IL1RAPL1: variants seen among roughly 807,000 people sequenced by gnomAD.
The protein encoded by IL1RAPL1 is interleukin 1 receptor accessory protein like 1.
A neutral mutation model predicts 48.4 loss-of-function variants in IL1RAPL1; 3 were observed. That is an observed-to-expected ratio of 0.06 (90% CI 0.03 to 0.16). The LOEUF (loss-of-function observed/expected upper bound fraction) is 0.16. IL1RAPL1 is among the 10% of genes least tolerant of loss of function. The probability of loss-of-function intolerance (pLI) is 1.00; values close to 1 mark genes in which losing one functional copy is unlikely to be tolerated. For missense variants in IL1RAPL1, 349 were observed against 530.6 expected, an observed-to-expected ratio of 0.66 and a Z score of 3.36; for synonymous variants, 185 against 187.7, an observed-to-expected ratio of 0.99 and a Z score of 0.12.
intron 6 of IL1RAPL1, among the ~76,000 whole-genome samples, chrX:29,800,386 C>T (rs1219534281): frequency 6.3e-5 from 7 of 110,640 alleles, no homozygotes; most frequent in Non-Finnish European, 1.3e-4. Context: ...TGACAAGCTT[C>T]TCATGATTCA....
At chrX:28,727,907 CTG>C (rs1345740062) in intron 1 of IL1RAPL1, among the ~76,000 whole-genome samples, 3 of 104,977 alleles carry the variant, frequency 2.9e-5, no homozygotes, top group African/African-American at 1.1e-4. Flanking sequence ...ACATCACACT[CTG>C]GGGACTGTTG....
intron 1 of IL1RAPL1, among the ~76,000 whole-genome samples, chrX:28,628,042 G>A (rs989090890): frequency 9.0e-6 from 1 of 111,401 alleles, no homozygotes; most frequent in Non-Finnish European, 1.9e-5. Flanking sequence ...ACTGGATCTC[G>A]CTGGAGCATG....
chrX:29,097,250 A>G lies in IL1RAPL1; in HGVS notation c.83-185688A>G, dbSNP rs769179514. Among the ~76,000 whole-genome samples, 3 of 112,323 alleles carry G rather than the reference A, an allele frequency of 2.7e-5. No homozygotes were observed. In the East Asian group the frequency reaches 8.4e-4, roughly 31 times the overall value. Reference sequence around the variant, plus strand: ...ACAGAAGAGGAATAGAAAATCTATCAGGTAACCCTGCCCTACCTGGCAAAT... The same window carrying G: ...ACAGAAGAGGAATAGAAAATCTATCGGGTAACCCTGCCCTACCTGGCAAAT... On this transcript the variant is annotated intron_variant, in intron 2 of 10. Transcript: ENST00000378993.
At chrX:29,227,315 A>G (rs1335137132) in intron 2 of IL1RAPL1, among the ~76,000 whole-genome samples, 2 of 111,343 alleles carry the variant, frequency 1.8e-5, no homozygotes, top group Admixed American at 1.9e-4. Context: ...TTTTCAAAAA[A>G]AAAAAGCTAA....
chrX:29,447,815 C>G (rs1205661991), intron 5 of IL1RAPL1, among the ~76,000 whole-genome samples: 1 of 112,048 alleles, frequency 8.9e-6, no homozygotes, highest in African/African-American at 3.2e-5. Context: ...TGAATGAATA[C>G]TAAGAGCAAA....
intron 2 of IL1RAPL1, among the ~76,000 whole-genome samples, chrX:29,195,493 A>C (rs1930424365): frequency 9.1e-6 from 1 of 109,483 alleles, no homozygotes; most frequent in South Asian, 3.9e-4. Context: ...AAGTACTTTT[A>C]TCTCTCCAAT....
intron 2 of IL1RAPL1, among the ~76,000 whole-genome samples, chrX:29,156,178 T>C (rs1929565766): frequency 9.0e-6 from 1 of 111,507 alleles, no homozygotes; most frequent in African/African-American, 3.3e-5. Context: ...CTAACCCTGG[T>C]CTGTCTGACT....
intron 3 of IL1RAPL1, among the ~76,000 whole-genome samples, chrX:29,296,556 C>A (rs768940843): frequency 9.2e-6 from 1 of 108,736 alleles, no homozygotes; most frequent in Admixed American, 9.9e-5. Flanking sequence ...CCATCCTTTA[C>A]CATTTTTGAA....
chrX:29,242,448 C>G (rs1173735538), intron 2 of IL1RAPL1, among the ~76,000 whole-genome samples: 2 of 112,170 alleles, frequency 1.8e-5, no homozygotes, highest in Admixed American at 1.9e-4. Context: ...AAAAATCAAA[C>G]TACCAGGTTG....
rs553936848 is a variant in IL1RAPL1 at position 29,663,613 on chromosome X, C to T, written c.704-4817C>T. ...GCTATGTTTTGTTTACATTTGATCC[C>T]CTTATAGTCCTGTACATTGCCTTGC... On this transcript the variant is annotated intron_variant, in intron 5 of 10. Coordinates refer to ENST00000378993, the MANE Select transcript of IL1RAPL1 (RefSeq NM_014271.4). Among the ~76,000 whole-genome samples, 3 of 111,850 alleles carry T rather than the reference C, an allele frequency of 2.7e-5. No homozygotes were observed. The Admixed American group carries it at 2.8e-4, about 11-fold the overall frequency.
intron 5 of IL1RAPL1, among the ~76,000 whole-genome samples, chrX:29,630,900 C>A (rs1047338993): frequency 1.8e-5 from 2 of 112,472 alleles, no homozygotes; most frequent in Admixed American, 9.4e-5. Flanking sequence ...TCTTTTTTGA[C>A]ATATTAAATT....
At chrX:29,921,129 A>ATTGTT (rs1932845281) in intron 8 of IL1RAPL1, among the ~76,000 whole-genome samples, 1 of 112,389 alleles carries the variant, frequency 8.9e-6, no homozygotes, top group Non-Finnish European at 1.9e-5. Context: ...TGTATATTGA[A>ATTGTT]TTGTTTGAAA....
chrX:29,941,824 C>T (rs1311200017), intron 9 of IL1RAPL1, 30 bp downstream of exon 9: 19 of 1,183,750 alleles, frequency 1.6e-5, no homozygotes, highest in Non-Finnish European at 1.8e-5. Flanking sequence ...ATTGTTCTTT[C>T]TGAATGTTCT....
At chrX:29,758,781 A>G (rs1234465537) in intron 6 of IL1RAPL1, among the ~76,000 whole-genome samples, 12 of 111,307 alleles carry the variant, frequency 1.1e-4, no homozygotes, top group African/African-American at 3.9e-4. Context: ...CCTAATGTAA[A>G]AAACAAAACA....
chrX:29,512,113 C>T (rs1418635051), intron 5 of IL1RAPL1, among the ~76,000 whole-genome samples: 2 of 109,238 alleles, frequency 1.8e-5, no homozygotes, highest in East Asian at 5.6e-4. Context: ...TATAATCTCT[C>T]TTTCTATTTA....
At chrX:28,981,289 A>G (rs1223974643) in intron 2 of IL1RAPL1, among the ~76,000 whole-genome samples, 2 of 108,486 alleles carry the variant, frequency 1.8e-5, no homozygotes, top group Non-Finnish European at 3.8e-5. Flanking sequence ...TTGATACTAA[A>G]TAACTGATAA....
intron 5 of IL1RAPL1, among the ~76,000 whole-genome samples, chrX:29,512,762 C>T (rs1213382860): frequency 5.4e-5 from 6 of 111,723 alleles, no homozygotes; most frequent in African/African-American, 1.9e-4. Flanking sequence ...TAAATGATTC[C>T]ACACCTCAGG....
intron 2 of IL1RAPL1, among the ~76,000 whole-genome samples, chrX:28,970,265 G>A (rs765245335): frequency 1.9e-4 from 21 of 112,561 alleles, no homozygotes; most frequent in Non-Finnish European, 3.0e-4. Context: ...GCTTCCCTAA[G>A]TGCTGGGATT....
intron 2 of IL1RAPL1, among the ~76,000 whole-genome samples, chrX:28,914,495 C>T (rs1923438289): frequency 8.9e-6 from 1 of 111,786 alleles, no homozygotes; most frequent in South Asian, 3.7e-4. Context: ...CTTCTTTTGT[C>T]AAAGCGAATA....
Sources: gnomAD v4.1 joint callset for allele counts (sites outside exome capture counted in the v4.1 genomes callset) on GRCh38, gnomAD v4.1.1 for gene constraint, MANE v1.5 for transcripts, NCBI Gene and HGNC (gene_info 2026-07-23, HGNC 2026-07-21) for gene names.